The following CS variants were observed in gnomAD, a reference collection of about 807,000 sequenced individuals.
CS encodes the protein citrate synthase.
CS carries 13 observed loss-of-function variants against 61.4 expected under a neutral mutation model. The observed-to-expected ratio is 0.21, with a 90% CI of 0.14 to 0.34. CS has a LOEUF of 0.34. Among genes scored for constraint, CS ranks in the 10% least tolerant of loss-of-function variants. The pLI is 1.00. For missense variants in CS, 278 were observed against 573.4 expected (o/e 0.48, Z 5.26); for synonymous variants, 159 against 215.2 (o/e 0.74, Z 2.29).
chr12:56,280,199 A>G (rs1009111606), intron 6 of CS, among the ~76,000 whole-genome samples: 9 of 151,940 alleles, frequency 5.9e-5, no homozygotes, highest in African/African-American at 2.2e-4. Flanking sequence ...GCAGATCACG[A>G]GGTCAGAGGT....
intron 6 of CS, among the ~76,000 whole-genome samples, chr12:56,279,672 A>C (rs911573216): frequency 6.6e-6 from 1 of 151,942 alleles, no homozygotes; most frequent in Non-Finnish European, 1.5e-5. Context: ...AGGCTGAGGC[A>C]GGAGAATTGC....
chr12:56,298,018 A>G (rs1873362551), intron 1 of CS, among the ~76,000 whole-genome samples: 1 of 151,676 alleles, frequency 6.6e-6, no homozygotes, highest in Non-Finnish European at 1.5e-5. Context: ...TTCTCTTTGA[A>G]ACGGAGTTTC....
At position 56,286,654 on chromosome 12, in the gene CS, CA is replaced by C; in HGVS notation, c.43-10del. 4.3e-6 allele frequency: 7 copies of C among 1,612,204 alleles called. No homozygotes were observed. Among genetic ancestry groups the C allele is most frequent in the Non-Finnish European group, 5.9e-6 (7 of 1,179,184 alleles). On this transcript the variant is annotated splice_polypyrimidine_tract_variant and intron_variant, in intron 1 of 10. Transcript: ENST00000351328. ...ACAAGACAAGATGCATTCTGCAAAG[CA>C]AAAAAGAGAACCTTATGTAACTGTT... is the stretch of plus-strand genomic sequence containing the variant.
Position 56,292,133 on chromosome 12 carries a change from C to T in CS, c.43-5488G>A, listed in dbSNP as rs539892213. On this transcript the variant is annotated intron_variant, in intron 1 of 10. Transcript: ENST00000351328. ...TAAGTTGCAGCTGGGCACTGTGGCT[C>T]AAGCCTGTAATCCCAGCACTTTGGG... Among the ~76,000 whole-genome samples the T allele has an allele frequency of 2.2e-3, 338 of 152,322 alleles. 1 individual carries two copies. The highest frequency in any genetic ancestry group is 7.8e-3 in the African/African-American group (325 of 41,572).
At chr12:56,300,139 C>G in intron 1 of CS, 21 bp downstream of exon 1, 1 of 1,555,716 alleles carries the variant, frequency 6.4e-7, no homozygotes, top group South Asian at 1.2e-5. Flanking sequence ...GGACGGCGTG[C>G]TCCCTCCCCT....
At chr12:56,298,817 AT>A (rs1873387607) in intron 1 of CS, 1 of 253,268 alleles carries the variant, frequency 3.9e-6, no homozygotes, top group African/African-American at 2.3e-5. Context: ...AGGCAGGAAG[AT>A]TACTTGAGCT....
intron 5 of CS, 75 bp from the exon 6 acceptor site, chr12:56,282,683 C>G: frequency 6.5e-7 from 1 of 1,532,796 alleles, no homozygotes; most frequent in Non-Finnish European, 8.8e-7. Flanking sequence ...ACAGCAACAT[C>G]TGAGTAAAGA....
chr12:56,298,245 G>A (rs555545741), intron 1 of CS, among the ~76,000 whole-genome samples: 11 of 152,052 alleles, frequency 7.2e-5, no homozygotes, highest in Non-Finnish European at 1.0e-4. Context: ...TGATCCACCC[G>A]CCTCTGCCTC....
In CS at chr12:56,286,652, A is replaced by G; in HGVS notation, c.43-7T>C. 3 of 1,613,658 alleles carry G rather than the reference A, an allele frequency of 1.9e-6. No homozygotes were observed. The highest frequency in any genetic ancestry group is 2.5e-6 in the Non-Finnish European group (3 of 1,179,622). ...GAACAAGACAAGATGCATTCTGCAA[A>G]GCAAAAAAGAGAACCTTATGTAACT... On this transcript the variant is annotated splice_region_variant and splice_polypyrimidine_tract_variant and intron_variant, in intron 1 of 10. Coordinates refer to ENST00000351328, the MANE Select transcript of CS (RefSeq NM_004077.3).
chr12:56,272,906 G>A lies in CS; in HGVS notation c.*178C>T, dbSNP rs1872549157. 1.7e-6 allele frequency: 1 copy of A among 580,674 alleles called. No homozygotes were observed. Among genetic ancestry groups the A allele is most frequent in the Non-Finnish European group, 3.0e-6 (1 of 332,096 alleles). The allele number at this position is 580,674 out of a possible 1,614,324, so 36.0% of individuals were successfully genotyped here. The stretch of plus-strand genomic sequence containing the variant: ...CAGGCAGGGGAAGGGAGCTGATTAG[G>A]GAAGAAGGGACCATTTTTCATCTTT... On this transcript the variant is annotated 3_prime_UTR_variant, in exon 11 of 11. Transcript: ENST00000351328.
chr12:56,277,209 A>G (rs974247621), intron 6 of CS, among the ~76,000 whole-genome samples: 14 of 150,848 alleles, frequency 9.3e-5, no homozygotes, highest in Admixed American at 6.0e-4. Context: ...GTCTAAAAAA[A>G]AAAAAAGGGG....
At chr12:56,292,654 G>A (rs1313499955) in intron 1 of CS, among the ~76,000 whole-genome samples, 2 of 149,866 alleles carry the variant, frequency 1.3e-5, no homozygotes, top group African/African-American at 4.9e-5. Context: ...GGAGGCCAAG[G>A]CAGGCGGATC....
intron 6 of CS, among the ~76,000 whole-genome samples, chr12:56,277,915 C>T (rs1872670306): frequency 6.6e-6 from 1 of 152,098 alleles, no homozygotes; most frequent in South Asian, 2.1e-4. Context: ...AGGAGTGAGC[C>T]ACCGCACCCG....
chr12:56,285,712 G>C (rs1032155744), intron 3 of CS, among the ~76,000 whole-genome samples: 1 of 152,188 alleles, frequency 6.6e-6, no homozygotes, highest in Non-Finnish European at 1.5e-5. Flanking sequence ...CTAGGAGAAG[G>C]GGATGGAGAC....
chr12:56,273,286 A>C, intron 10 of CS, 32 bp from the exon 11 acceptor site: 1 of 1,605,420 alleles, frequency 6.2e-7, no homozygotes, highest in Non-Finnish European at 8.5e-7. Flanking sequence ...TATTTCATTT[A>C]AGGCAGAGGC....
chr12:56,280,415 C>CAAAA (rs1565620524), intron 6 of CS, among the ~76,000 whole-genome samples: 46 of 11,454 alleles, frequency 4.0e-3, no homozygotes, highest in Admixed American at 9.6e-3. Context: ...ACACCGTCTC[C>CAAAA]CAAAAAAAAC....
chr12:56,283,889 A>AAT, intron 3 of CS, 32 bp from the exon 4 acceptor site: 1 of 1,540,194 alleles, frequency 6.5e-7, no homozygotes, highest in South Asian at 1.1e-5. Context: ...GGAAAAAAAA[A>AAT]AGAGGCTGTG....
intron 6 of CS, among the ~76,000 whole-genome samples, chr12:56,280,425 C>CAAAACA (rs1565620551): frequency 1.7e-5 from 2 of 118,790 alleles, no homozygotes; most frequent in Non-Finnish European, 3.3e-5. Flanking sequence ...CCAAAAAAAA[C>CAAAACA]AAAAAAAAAA....
intron 3 of CS, among the ~76,000 whole-genome samples, chr12:56,284,589 CT>C (rs562855498): frequency 5.2e-3 from 722 of 139,362 alleles, no homozygotes; most frequent in Middle Eastern, 0.012. Context: ...TTTTGTATTT[CT>C]TTTTTTTTTT....
Sources: allele counts gnomAD v4.1 joint callset (sites outside exome capture counted in the v4.1 genomes callset), GRCh38; gene constraint gnomAD v4.1.1; transcripts MANE v1.5; gene names NCBI Gene and HGNC (gene_info 2026-07-23, HGNC 2026-07-21).